The following ANXA8 variants were observed in gnomAD, a reference collection of about 807,000 sequenced individuals.
ANXA8 encodes the protein VAC-beta.
ANXA8 carries 9 observed loss-of-function variants against 26.8 expected under a neutral mutation model. The ratio of observed to expected loss-of-function variants is 0.34; its 90% CI spans 0.20 to 0.59. The LOEUF (loss-of-function observed/expected upper bound fraction) is 0.59. ANXA8 is among the 20% of genes least tolerant of loss of function. ANXA8 has a pLI of 0.84. For synonymous variants in ANXA8, 39 were observed against 94.8 expected, an observed-to-expected ratio of 0.41 and a Z score of 3.42; for missense variants, 83 against 238.5, an observed-to-expected ratio of 0.35 and a Z score of 4.29.
the ANXA8 span, chr10:47,710,160 A>T: frequency 3.7e-6 from 3 of 806,956 alleles, no homozygotes; most frequent in Non-Finnish European, 5.8e-6. Flanking sequence ...AAAAAATATT[A>T]TTTGTCAAGA....
At chr10:47,945,436 A>G in the ANXA8 span, among the ~76,000 whole-genome samples, 1 of 150,816 alleles carries the variant, frequency 6.6e-6, no homozygotes, top group Non-Finnish European at 1.5e-5. Flanking sequence ...TCACTGGGTA[A>G]GGGTCTCTTT....
chr10:47,672,064 T>C, the ANXA8 span, among the ~76,000 whole-genome samples: 1 of 151,340 alleles, frequency 6.6e-6, no homozygotes, highest in Non-Finnish European at 1.5e-5. Context: ...CTACAGTCCT[T>C]TCTATTATGT....
At chr10:47,683,326 T>A in the ANXA8 span, among the ~76,000 whole-genome samples, 1 of 150,936 alleles carries the variant, frequency 6.6e-6, no homozygotes, top group South Asian at 2.1e-4. Flanking sequence ...CCTCCCTGGT[T>A]CACGCCATGC....
the ANXA8 span, among the ~76,000 whole-genome samples, chr10:47,591,584 C>T: frequency 1.4e-5 from 2 of 142,696 alleles, no homozygotes; most frequent in Non-Finnish European, 3.0e-5. Flanking sequence ...GCTGGGACTA[C>T]AGGCACCCGC....
At chr10:47,722,459 C>G in the ANXA8 span, among the ~76,000 whole-genome samples, 1 of 138,108 alleles carries the variant, frequency 7.2e-6, no homozygotes, top group Non-Finnish European at 1.6e-5. Context: ...ATTTAGGCAG[C>G]ACTAGGAAAT....
chr10:47,770,200 G>A, the ANXA8 span, among the ~76,000 whole-genome samples: 1 of 120,556 alleles, frequency 8.3e-6, no homozygotes, highest in African/African-American at 3.3e-5. Context: ...ATGAGATTTG[G>A]AGGGGAAAAA....
the ANXA8 span, among the ~76,000 whole-genome samples, chr10:47,701,948 T>C: frequency 6.6e-6 from 1 of 151,088 alleles, no homozygotes; most frequent in Non-Finnish European, 1.5e-5. Flanking sequence ...ATAAGGCTAA[T>C]GACAGAAAGG....
At chr10:47,519,047 C>T in the ANXA8 span, among the ~76,000 whole-genome samples, 3 of 135,046 alleles carry the variant, frequency 2.2e-5, 1 homozygote, top group Non-Finnish European at 3.1e-5. Context: ...CTCATGTTAA[C>T]ATGTGACCCT....
the ANXA8 span, among the ~76,000 whole-genome samples, chr10:47,743,859 C>G: frequency 1.4e-5 from 2 of 145,274 alleles, no homozygotes; most frequent in Middle Eastern, 3.6e-3. Flanking sequence ...CTGCAGGCTC[C>G]GTCCCCACAG....
At chr10:47,597,026 C>T in the ANXA8 span, among the ~76,000 whole-genome samples, 6 of 148,852 alleles carry the variant, frequency 4.0e-5, no homozygotes, top group Admixed American at 4.0e-4. Context: ...ACTTGCAAAC[C>T]ACATTCAGCA....
the ANXA8 span, among the ~76,000 whole-genome samples, chr10:47,497,319 CA>C: frequency 0.54 from 50,581 of 93,968 alleles, 12,397 homozygotes; most frequent in South Asian, 0.65. Context: ...AAGTCCATCA[CA>C]AAAAAAAAAA....
chr10:47,628,238 G>A, the ANXA8 span, among the ~76,000 whole-genome samples: 1 of 152,146 alleles, frequency 6.6e-6, no homozygotes, highest in South Asian at 2.1e-4. Flanking sequence ...TTTATTTTTA[G>A]GCTTTCTGAA....
the ANXA8 span, among the ~76,000 whole-genome samples, chr10:47,895,126 G>A: frequency 6.6e-6 from 1 of 151,522 alleles, no homozygotes; most frequent in Admixed American, 6.6e-5. Context: ...CACTTAATTT[G>A]GCATAGTCAG....
chr10:47,651,291 A>AG, the ANXA8 span, among the ~76,000 whole-genome samples: 1 of 150,914 alleles, frequency 6.6e-6, no homozygotes, highest in East Asian at 1.9e-4. Flanking sequence ...CTCAAAAAAA[A>AG]AAAAAACCCA....
chr10:47,985,070 G>T, the ANXA8 span, among the ~76,000 whole-genome samples: 2 of 147,920 alleles, frequency 1.4e-5, 1 homozygote, highest in African/African-American at 5.1e-5. Flanking sequence ...TGCAAACTGC[G>T]TATCTGACAA....
chr10:47,543,926 G>GAACA, the ANXA8 span, among the ~76,000 whole-genome samples: 1 of 142,024 alleles, frequency 7.0e-6, no homozygotes. Flanking sequence ...GAAGAGTGAA[G>GAACA]AACATATGCA....
At chr10:47,958,541 A>T in the ANXA8 span, among the ~76,000 whole-genome samples, 1 of 147,664 alleles carries the variant, frequency 6.8e-6, no homozygotes, top group Non-Finnish European at 1.5e-5. Flanking sequence ...AGGGAGGAAA[A>T]GGACTCAGAT....
At chr10:47,506,902 G>GTGCTGGGA in the ANXA8 span, among the ~76,000 whole-genome samples, 2 of 133,958 alleles carry the variant, frequency 1.5e-5, no homozygotes, top group South Asian at 5.1e-4. Context: ...GCCTCCCAAA[G>GTGCTGGGA]TGCTGGGATT....
the ANXA8 span, among the ~76,000 whole-genome samples, chr10:47,968,015 C>T: frequency 6.6e-6 from 1 of 151,162 alleles, no homozygotes; most frequent in African/African-American, 2.4e-5. Flanking sequence ...GAATGCTTTA[C>T]ACTTCCCACA....
Sources: allele counts gnomAD v4.1 joint callset (sites outside exome capture counted in the v4.1 genomes callset), GRCh38; gene constraint gnomAD v4.1.1; transcripts MANE v1.5; gene names NCBI Gene and HGNC (gene_info 2026-07-23, HGNC 2026-07-21).